The following ZNF25 variants were observed in gnomAD, a reference collection of about 807,000 sequenced individuals.
The protein encoded by ZNF25 is zinc finger protein 25.
In ZNF25, 21 loss-of-function variants were observed where a neutral mutation model predicts 30.9. The observed-to-expected ratio is 0.68, with a 90% CI of 0.48 to 0.98. The LOEUF (loss-of-function observed/expected upper bound fraction) is 0.98, where lower values mean the gene tolerates loss of function less well. Ranked by LOEUF, ZNF25 falls within the 50% of genes least tolerant of loss-of-function variation. The probability of loss-of-function intolerance (pLI) is 0.00; values close to 1 mark genes in which losing one functional copy is unlikely to be tolerated. For missense variants in ZNF25, 501 were observed against 529.9 expected, an observed-to-expected ratio of 0.95 and a Z score of 0.54; for synonymous variants, 169 against 181.3, an observed-to-expected ratio of 0.93 and a Z score of 0.55.
chr10:37,957,370 G>A, intron 3 of ZNF25, 50 bp downstream of exon 3: 1 of 1,584,220 alleles, frequency 6.3e-7, no homozygotes, highest in Middle Eastern at 1.7e-4. Context: ...CAGTAACTGA[G>A]AAGATAGATG....
intron 2 of ZNF25, among the ~76,000 whole-genome samples, chr10:37,969,009 A>T (rs1291241412): frequency 6.6e-6 from 1 of 152,132 alleles, no homozygotes; most frequent in Non-Finnish European, 1.5e-5. Flanking sequence ...AAAATAGCAG[A>T]AAAAAGCACA....
chr10:37,957,660 T>G, intron 2 of ZNF25, 114 bp from the exon 3 acceptor site: 1 of 1,225,086 alleles, frequency 8.2e-7, no homozygotes, highest in Non-Finnish European at 1.1e-6. Flanking sequence ...TCTGGAGAGT[T>G]AGGATATTTG....
At chr10:37,968,989 C>A (rs2063338939) in intron 2 of ZNF25, among the ~76,000 whole-genome samples, 1 of 151,864 alleles carries the variant, frequency 6.6e-6, no homozygotes, top group Non-Finnish European at 1.5e-5. Flanking sequence ...CCAAAAAGCA[C>A]ACTAGAAAAA....
intron 2 of ZNF25, among the ~76,000 whole-genome samples, chr10:37,962,112 G>A (rs1313087974): frequency 1.3e-5 from 2 of 150,792 alleles, no homozygotes; most frequent in East Asian, 4.0e-4. Context: ...GGTAGGCTGA[G>A]TAGCTTTTAA....
chr10:37,973,812 C>T (rs571507360), intron 1 of ZNF25, among the ~76,000 whole-genome samples: 44 of 151,936 alleles, frequency 2.9e-4, no homozygotes, highest in Non-Finnish European at 5.6e-4. Flanking sequence ...CCAAAGACCC[C>T]GAGTAGCCAA....
At chr10:37,966,198 C>T (rs1406473654) in intron 2 of ZNF25, among the ~76,000 whole-genome samples, 1 of 152,116 alleles carries the variant, frequency 6.6e-6, no homozygotes, top group Non-Finnish European at 1.5e-5. Context: ...GTGAGCACAT[C>T]ACTTGAGATC....
chr10:37,959,817 C>A (rs2062749551), intron 2 of ZNF25, among the ~76,000 whole-genome samples: 1 of 151,856 alleles, frequency 6.6e-6, no homozygotes, highest in Non-Finnish European at 1.5e-5. Context: ...AGCATGTTGG[C>A]CAGGCTGGTC....
Position 37,952,646 on chromosome 10 carries a change from T to C in ZNF25, c.852A>G (p.Lys284=), listed in dbSNP as rs1437035358. 1 of 1,611,112 alleles carries C rather than the reference T, an allele frequency of 6.2e-7. No individual in the cohort carries two copies. The change falls in exon 6 of 6, where the codon AAA becomes AAG. Residue 284 remains lysine (K), a synonymous_variant. Transcript: ENST00000302609. The part of the protein sequence containing the change: ...TVHQRMHTGE[K]PYKCKECGKF... ...TCCCACATTCCTTACATTTATAGGG[T>C]TTCTCCCCTGTGTGCATTCTCTGAT...
chr10:37,971,664 C>T, intron 2 of ZNF25, 44 bp downstream of exon 2: 1 of 1,608,106 alleles, frequency 6.2e-7, no homozygotes, highest in South Asian at 1.1e-5. Flanking sequence ...CACACACACA[C>T]ACACACACAG....
At chr10:37,957,610 C>T in intron 2 of ZNF25, 64 bp from the exon 3 acceptor site, 2 of 1,554,244 alleles carry the variant, frequency 1.3e-6, no homozygotes, top group Middle Eastern at 1.8e-4. Context: ...ATTGAAAAGA[C>T]ATGTGAACTA....
chr10:37,959,713 C>T (rs1400868563), intron 2 of ZNF25, among the ~76,000 whole-genome samples: 1 of 151,798 alleles, frequency 6.6e-6, no homozygotes, highest in Non-Finnish European at 1.5e-5. Flanking sequence ...AGGTTCATGC[C>T]ATTCTCCTGC....
At chr10:37,964,998 G>T (rs185637780) in intron 2 of ZNF25, among the ~76,000 whole-genome samples, 1 of 152,274 alleles carries the variant, frequency 6.6e-6, no homozygotes, top group East Asian at 1.9e-4. Context: ...CATCTCAGCT[G>T]CTCTGGTTCC....
chr10:37,971,495 T>G (rs948734246), intron 2 of ZNF25, among the ~76,000 whole-genome samples: 23 of 152,200 alleles, frequency 1.5e-4, no homozygotes, highest in African/African-American at 5.3e-4. Context: ...GAGAGGGTCT[T>G]GGAGCTCCCA....
At chr10:37,957,905 C>T (rs905015496) in intron 2 of ZNF25, among the ~76,000 whole-genome samples, 4 of 152,124 alleles carry the variant, frequency 2.6e-5, no homozygotes, top group African/African-American at 9.7e-5. Context: ...CAAATTCTTA[C>T]CATTGTGTTA....
intron 2 of ZNF25, among the ~76,000 whole-genome samples, chr10:37,964,292 A>G (rs919277701): frequency 1.3e-5 from 2 of 152,188 alleles, no homozygotes; most frequent in African/African-American, 4.8e-5. Context: ...CTGAAAATAT[A>G]GAAGCAGCTT....
At chr10:37,962,674 T>C (rs138120250) in intron 2 of ZNF25, among the ~76,000 whole-genome samples, 1 of 152,144 alleles carries the variant, frequency 6.6e-6, no homozygotes, top group East Asian at 1.9e-4. Context: ...ATATCCAGAA[T>C]GACCAAGATA....
At chr10:37,959,641 G>A (rs893290787) in intron 2 of ZNF25, among the ~76,000 whole-genome samples, 1 of 151,720 alleles carries the variant, frequency 6.6e-6, no homozygotes, top group Non-Finnish European at 1.5e-5. Flanking sequence ...ATGGAGTCTG[G>A]CTCTGTCTCC....
intron 2 of ZNF25, 125 bp from the exon 3 acceptor site, chr10:37,957,671 C>T (rs2062617720): frequency 3.9e-6 from 4 of 1,029,940 alleles, no homozygotes; most frequent in Non-Finnish European, 5.4e-6. Flanking sequence ...AGGATATTTG[C>T]CATGCTGTAC....
At chr10:37,960,987 CTCAGAG>C (rs1293435320) in intron 2 of ZNF25, among the ~76,000 whole-genome samples, 3 of 152,118 alleles carry the variant, frequency 2.0e-5, no homozygotes, top group Non-Finnish European at 4.4e-5. Context: ...AACTTCTATG[CTCAGAG>C]TCAAAGGGCT....
Sources: allele counts gnomAD v4.1 joint callset (sites outside exome capture counted in the v4.1 genomes callset), GRCh38; gene constraint gnomAD v4.1.1; transcripts MANE v1.5; gene names NCBI Gene and HGNC (gene_info 2026-07-23, HGNC 2026-07-21).